SHROOM4: variants seen among roughly 807,000 people sequenced by gnomAD.
SHROOM4 encodes protein Shroom4.
SHROOM4 carries 17 observed loss-of-function variants against 80.3 expected under a neutral mutation model. The observed-to-expected ratio is 0.21, with a 90% CI of 0.14 to 0.32. SHROOM4 has a LOEUF of 0.32. SHROOM4 is among the 10% of genes least tolerant of loss of function. The pLI is 1.00. For synonymous variants in SHROOM4, 400 were observed against 437.5 expected (o/e 0.91, Z 1.07); for missense variants, 993 against 1,140.3 (o/e 0.87, Z 1.86).
chrX:50,717,841 C>T lies in SHROOM4; in HGVS notation c.118-21904G>A, dbSNP rs112390600. ...GACTTTATGTCTCAGTTCCATTAAA[C>T]ATTCATTGTGTGGCTGAGATGTACT... is the stretch of plus-strand genomic sequence containing the variant. On this transcript the variant is annotated intron_variant, in intron 1 of 8. Transcript: ENST00000376020. Among the ~76,000 whole-genome samples, 768 of 112,043 alleles carry T rather than the reference C, an allele frequency of 6.9e-3. 5 individuals are homozygous for T. Among genetic ancestry groups the T allele is most frequent in the Non-Finnish European group, 0.012 (619 of 53,222 alleles).
chrX:50,786,683 T>C (rs1216330361), intron 1 of SHROOM4, among the ~76,000 whole-genome samples: 3 of 111,517 alleles, frequency 2.7e-5, no homozygotes, highest in African/African-American at 9.8e-5. Flanking sequence ...GGCTAGGCCA[T>C]GAAGACTGGG....
chrX:50,661,354 C>T (rs955660504), intron 2 of SHROOM4, among the ~76,000 whole-genome samples: 7 of 110,885 alleles, frequency 6.3e-5, no homozygotes, highest in Non-Finnish European at 9.4e-5. Flanking sequence ...TCCAACACCA[C>T]GCCTGGCTAA....
intron 7 of SHROOM4, among the ~76,000 whole-genome samples, chrX:50,599,237 C>A (rs185809987): frequency 1.1e-4 from 12 of 111,468 alleles, no homozygotes; most frequent in Admixed American, 3.8e-4. Flanking sequence ...TTGCCTATCA[C>A]TTCATTCATT....
intron 1 of SHROOM4, among the ~76,000 whole-genome samples, chrX:50,757,295 T>C (rs1441121673): frequency 1.8e-5 from 2 of 112,178 alleles, no homozygotes; most frequent in African/African-American, 6.5e-5. Flanking sequence ...AATCAGTTGA[T>C]CACACATGTA....
intron 1 of SHROOM4, among the ~76,000 whole-genome samples, chrX:50,808,623 G>C (rs1936273586): frequency 9.1e-6 from 1 of 109,797 alleles, no homozygotes; most frequent in African/African-American, 3.3e-5. Context: ...TTTTCCCTTA[G>C]TTCTAAAGAA....
At chrX:50,625,928 C>T (rs981762925) in intron 5 of SHROOM4, among the ~76,000 whole-genome samples, 45 of 112,319 alleles carry the variant, frequency 4.0e-4, no homozygotes, top group African/African-American at 1.3e-3. Context: ...GTTCTTCTTC[C>T]TCCTCATTAC....
At chrX:50,625,761 G>C (rs1281000785) in intron 5 of SHROOM4, among the ~76,000 whole-genome samples, 1 of 111,284 alleles carries the variant, frequency 9.0e-6, no homozygotes, top group Non-Finnish European at 1.9e-5. Flanking sequence ...TGCCTAAAGG[G>C]CCACATTTAT....
At chrX:50,605,148 G>A (rs782341468) in intron 6 of SHROOM4, among the ~76,000 whole-genome samples, 1 of 111,990 alleles carries the variant, frequency 8.9e-6, no homozygotes, top group Non-Finnish European at 1.9e-5. Context: ...CCCAGAGATC[G>A]TGGGATGATA....
chrX:50,724,628 C>CTTATT (rs1263262998), intron 1 of SHROOM4, among the ~76,000 whole-genome samples: 3 of 111,845 alleles, frequency 2.7e-5, no homozygotes, highest in African/African-American at 6.5e-5. Flanking sequence ...CCACACCTGG[C>CTTATT]TTATTTTATT....
At chrX:50,701,686 T>C (rs782555538) in intron 1 of SHROOM4, among the ~76,000 whole-genome samples, 1 of 111,992 alleles carries the variant, frequency 8.9e-6, no homozygotes, top group Admixed American at 9.5e-5. Flanking sequence ...ATAAATAAAA[T>C]TGTGTATACT....
chrX:50,752,404 G>T (rs1934942369), intron 1 of SHROOM4, among the ~76,000 whole-genome samples: 1 of 111,804 alleles, frequency 8.9e-6, no homozygotes, highest in Admixed American at 9.5e-5. Flanking sequence ...CTTTTCAGAT[G>T]ATTAATTCCA....
At chrX:50,666,886 A>G (rs1557260400) in intron 2 of SHROOM4, among the ~76,000 whole-genome samples, 1 of 111,527 alleles carries the variant, frequency 9.0e-6, no homozygotes, top group Non-Finnish European at 1.9e-5. Flanking sequence ...ATAACTTCTC[A>G]AAGACTATTC....
chrX:50,583,430 C>T (rs1928699319), downstream of SHROOM4, among the ~76,000 whole-genome samples: 1 of 111,017 alleles, frequency 9.0e-6, no homozygotes, highest in African/African-American at 3.3e-5. Flanking sequence ...ATCCTCTCCC[C>T]TTGAGTGTGA....
At chrX:50,660,878 A>G (rs1417560075) in intron 2 of SHROOM4, among the ~76,000 whole-genome samples, 2 of 109,691 alleles carry the variant, frequency 1.8e-5, no homozygotes, top group Non-Finnish European at 3.8e-5. Context: ...TGGCTACCCA[A>G]AATGTTGGAA....
intron 2 of SHROOM4, among the ~76,000 whole-genome samples, chrX:50,670,983 C>G (rs1932792648): frequency 1.8e-5 from 2 of 111,895 alleles, no homozygotes; most frequent in Non-Finnish European, 3.8e-5. Context: ...AAATTACTCC[C>G]CAATCTATGG....
chrX:50,584,683 T>C (rs1237707527), downstream of SHROOM4, among the ~76,000 whole-genome samples: 3 of 110,989 alleles, frequency 2.7e-5, no homozygotes, highest in African/African-American at 9.8e-5. Context: ...ATGGAAGGGG[T>C]GAGAAAGAGG....
chrX:50,578,169 G>T, the SHROOM4 span, among the ~76,000 whole-genome samples: 17 of 111,870 alleles, frequency 1.5e-4, no homozygotes, highest in Admixed American at 9.4e-4. Flanking sequence ...CCTCTACAAA[G>T]AAAGGAATTA....
At chrX:50,647,062 G>A (rs1298778186) in intron 2 of SHROOM4, among the ~76,000 whole-genome samples, 2 of 111,712 alleles carry the variant, frequency 1.8e-5, no homozygotes, top group Non-Finnish European at 3.8e-5. Context: ...CAGATGACTC[G>A]GGAAAGCTCT....
Position 50,634,483 on chromosome X carries a change from A to G in SHROOM4, c.1590T>C (p.Ser530=). The G allele has an allele frequency of 8.3e-7, 1 of 1,209,799 alleles. No homozygotes were observed. The highest frequency in any genetic ancestry group is 3.0e-5 in the East Asian group (1 of 33,703). The change falls in exon 4 of 9, where the codon TCT becomes TCC. Residue 530 remains serine, a synonymous_variant. Transcript: ENST00000376020. ...CCGTGGCTTGTTGAACAAGGGAGCC[A>G]GAGGCAGAGGGTTGCTGGTTGGCCA... ...SELANQQPSA[S]GSLVQQATDC... is the part of the protein sequence containing the mutation.
Sources: gnomAD v4.1 joint callset for allele counts (sites outside exome capture counted in the v4.1 genomes callset) on GRCh38, gnomAD v4.1.1 for gene constraint, MANE v1.5 for transcripts, NCBI Gene and HGNC (gene_info 2026-07-23, HGNC 2026-07-21) for gene names.